Variants in CAD observed in about 807,000 individuals in gnomAD.
The protein encoded by CAD is carbamoyl-phosphate synthetase 2, aspartate transcarbamylase, and dihydroorotase.
Under a neutral mutation model 237.2 loss-of-function variants are expected in CAD, and 81 were observed. The observed-to-expected ratio is 0.34, with a 90% confidence interval of 0.29 to 0.41. The LOEUF (loss-of-function observed/expected upper bound fraction) is 0.41. Among genes scored for constraint, CAD ranks in the 10% least tolerant of loss-of-function variants. The pLI is 1.00. For synonymous variants in CAD, 1,196 were observed against 1,162.8 expected (o/e 1.03, Z -0.58); for missense variants, 2,181 against 2,951.7 (o/e 0.74, Z 6.05).
At position 27,239,518 on chromosome 2, in the gene CAD, C is replaced by T. The variant is rs369997195; in HGVS notation, c.5394+47C>T. On this transcript the variant is annotated intron_variant, in intron 33 of 43. Coordinates refer to ENST00000264705, the MANE Select transcript of CAD (RefSeq NM_004341.5). This position sits in a 1 kb window ranked among gnomAD's most constrained non-coding sequence, Gnocchi z 4.0. ...GATCTCAGTAGTGCCCTCTTCTGCA[C>T]CACGTTCATTTCTTCCCTTCCCAGC... 3.4e-5 allele frequency: 55 copies of T among 1,596,804 alleles called. No individual in the cohort carries two copies. Among genetic ancestry groups the T allele is most frequent in the Non-Finnish European group, 4.3e-5 (50 of 1,167,230 alleles).
rs973416308 is a variant in CAD, at chr2:27,241,595, T to G, written c.5883+199T>G. The stretch of plus-strand genomic sequence containing the variant: ...AGGATTTAGCTGGCTGGGGAGGCCC[T>G]GAGCATGAGACCATCGCCCCACTAG... On this transcript the variant is annotated intron_variant, in intron 38 of 43. Coordinates refer to ENST00000264705, the MANE Select transcript of CAD (RefSeq NM_004341.5). The surrounding 1 kb of genome is among the most constrained non-coding windows in gnomAD (Gnocchi z 4.6). 3.3e-5 allele frequency among the ~76,000 whole-genome samples: 5 copies of G among 152,220 alleles called. No individual in the cohort carries two copies. Among genetic ancestry groups the G allele is most frequent in the African/African-American group, 1.2e-4 (5 of 41,460 alleles).
intron 16 of CAD, 79 bp from the exon 17 acceptor site, chr2:27,231,901 G>GAGACA: frequency 6.4e-7 from 1 of 1,559,804 alleles, no homozygotes; most frequent in Non-Finnish European, 8.8e-7. Flanking sequence ...TCCCCTTCCT[G>GAGACA]AGACAAGAGC....
At chr2:27,219,837 C>T (rs1281945131) in intron 2 of CAD, among the ~76,000 whole-genome samples, 2 of 152,190 alleles carry the variant, frequency 1.3e-5, no homozygotes, top group Non-Finnish European at 2.9e-5. Context: ...GATCTGCCCA[C>T]CTCGGCCTCC....
At position 27,232,573 on chromosome 2, in the gene CAD, C is replaced by T; in HGVS notation, c.2771C>T (p.Thr924Ile). ...TACCTATACCTAACGTATTGGGGCACCACCCATGACCTCACCTTTCGAACA... is the reference window on the plus strand; with the variant it reads ...TACCTATACCTAACGTATTGGGGCATCACCCATGACCTCACCTTTCGAACA... ...TNYLYLTYWG[T>I]THDLTFRTPH... is the part of the protein sequence containing the mutation. Residue 924 changes from threonine (T) to isoleucine (I), a missense_variant, in exon 18 of 44, where the codon ACC (threonine) becomes ATC (isoleucine). Around this residue, in one of 12 missense-constraint regions of CAD, gnomAD observed 385 missense variants for 535.1 expected, o/e 0.72. Coordinates refer to ENST00000264705, the MANE Select transcript of CAD (RefSeq NM_004341.5). This position sits in a 1 kb window ranked among gnomAD's most constrained non-coding sequence, Gnocchi z 4.1. 1 of 1,614,192 alleles carries T rather than the reference C, an allele frequency of 6.2e-7. No homozygotes were observed. Among genetic ancestry groups the T allele is most frequent in the South Asian group, 1.1e-5 (1 of 91,076 alleles).
chr2:27,227,801 C>T (rs1389149166), intron 15 of CAD, among the ~76,000 whole-genome samples: 1 of 152,084 alleles, frequency 6.6e-6, no homozygotes, highest in East Asian at 1.9e-4. Flanking sequence ...TTTTATTATA[C>T]AAGTAAGAAA....
In CAD at chr2:27,221,253, G is replaced by A; in HGVS notation, c.258G>A (p.Leu86=). ...FESSGIHVAA[L]VVGECCPTPS... is the part of the protein sequence containing the mutation. ...CCTCGGGCATCCACGTAGCAGCACT[G>A]GTAGTGGGAGAGTGCTGTCCTACTC... Residue 86 remains leucine (L), a synonymous_variant, in exon 3 of 44, where the codon CTG becomes CTA. Coordinates refer to ENST00000264705, the MANE Select transcript of CAD (RefSeq NM_004341.5). The A allele has an allele frequency of 6.3e-7, 1 of 1,583,632 alleles. No individual in the cohort carries two copies. Among genetic ancestry groups the A allele is most frequent in the Non-Finnish European group, 8.6e-7 (1 of 1,163,658 alleles).
At chr2:27,231,431 C>T (rs762513842) in intron 15 of CAD, 37 bp from the exon 16 acceptor site, 9 of 1,237,182 alleles carry the variant, frequency 7.3e-6, no homozygotes, top group Non-Finnish European at 1.1e-5. Context: ...ACCCCTTCCA[C>T]CTCCACACCT....
At chr2:27,219,759 T>G (rs1675063165) in intron 2 of CAD, among the ~76,000 whole-genome samples, 1 of 151,940 alleles carries the variant, frequency 6.6e-6, no homozygotes, top group Non-Finnish European at 1.5e-5. Flanking sequence ...CCAGCTAATT[T>G]TGTATTTTTA....
intron 15 of CAD, among the ~76,000 whole-genome samples, chr2:27,229,009 C>T (rs2148071246): frequency 6.6e-6 from 1 of 150,630 alleles, no homozygotes; most frequent in African/African-American, 2.4e-5. Context: ...ACCTCTGCCT[C>T]CCAGGTTCAA....
chr2:27,233,819 G>C lies in CAD; in HGVS notation c.3399+11G>C. The C allele has an allele frequency of 6.2e-7, 1 of 1,612,654 alleles. No homozygotes were observed. Among genetic ancestry groups the C allele is most frequent in the African/African-American group, 1.3e-5 (1 of 75,028 alleles). ...ATCCAGGAGGCTAAGGTGGGAGGCT[G>C]CAGACAGTGAAGTCTCTGAGGGCAT... On this transcript the variant is annotated intron_variant, in intron 21 of 43. Transcript: ENST00000264705. This position sits in a 1 kb window ranked among gnomAD's most constrained non-coding sequence, Gnocchi z 6.3.
chr2:27,233,104 G>T lies in CAD; in HGVS notation c.2955G>T (p.Met985Ile). 1.2e-6 allele frequency: 2 copies of T among 1,613,718 alleles called. No homozygotes were observed. The highest frequency in any genetic ancestry group is 1.7e-6 in the Non-Finnish European group (2 of 1,179,574). ...NPETVSTDYD[M>I]CDRLYFDEIS... ...AGACAGTCAGCACCGACTATGACAT[G>T]TGTGATCGACTCTACTTTGATGAGA... The change falls in exon 19 of 44, where the codon ATG becomes ATT. Residue 985 changes from methionine to isoleucine, a missense_variant. By Grantham distance (10) the Met-to-Ile change is conservative (BLOSUM62 1). Coordinates refer to ENST00000264705, the MANE Select transcript of CAD (RefSeq NM_004341.5). The surrounding 1 kb of genome is among the most constrained non-coding windows in gnomAD (Gnocchi z 6.3).
chr2:27,230,996 T>C (rs1238527314), intron 15 of CAD, among the ~76,000 whole-genome samples: 1 of 152,092 alleles, frequency 6.6e-6, no homozygotes, highest in Non-Finnish European at 1.5e-5. Flanking sequence ...AGATTTCTTT[T>C]TGTTTGTTTG....
In CAD at chr2:27,239,722, A is replaced by G; in HGVS notation, c.5420A>G (p.Gln1807Arg). 1 of 1,594,702 alleles carries G rather than the reference A, an allele frequency of 6.3e-7. No individual in the cohort carries two copies. The highest frequency in any genetic ancestry group is 1.3e-5 in the African/African-American group (1 of 74,296). Residue 1807 changes from glutamine (Q) to arginine (R), a missense_variant, in exon 34 of 44, where the codon CAG becomes CGG. Physicochemically the swap from Gln to Arg is conservative, Grantham distance 43. This residue lies in a region of CAD where 478 missense variants were observed against 515.0 expected (regional missense o/e 0.93). Coordinates refer to ENST00000264705, the MANE Select transcript of CAD (RefSeq NM_004341.5). The surrounding 1 kb of genome is among the most constrained non-coding windows in gnomAD (Gnocchi z 4.0). ...GQVLVPPGYGQDVRKWPQGAV... is the reference protein window; with the variant it reads ...GQVLVPPGYGRDVRKWPQGAV... ...GTTCTGGTACCCCCGGGCTATGGAC[A>G]GGATGTACGGAAGTGGCCACAGGGG... is the stretch of plus-strand genomic sequence containing the variant.
At position 27,232,992 on chromosome 2, in the gene CAD, C is replaced by T. The variant is rs761656402; in HGVS notation, c.2893-50C>T. The T allele has an allele frequency of 1.1e-5, 14 of 1,246,078 alleles. No homozygotes were observed. Among genetic ancestry groups the T allele is most frequent in the Middle Eastern group, 1.9e-4 (1 of 5,342 alleles). 77.2% of individuals were successfully genotyped at this position (1,246,078 alleles called of 1,614,324 possible). A position where few individuals can be genotyped will look rare whatever the true frequency, so the allele number is the denominator to read the frequency against. On this transcript the variant is annotated intron_variant, in intron 18 of 43. Coordinates refer to ENST00000264705, the MANE Select transcript of CAD (RefSeq NM_004341.5). The surrounding 1 kb of genome is among the most constrained non-coding windows in gnomAD (Gnocchi z 4.1). ...CTTAGTTTCTCCACGATTTTCTCCA[C>T]GATTTTCCTCCCACCTGACTGCTAA...
Position 27,231,548 on chromosome 2 carries a change from T to C in CAD, c.2368T>C (p.Phe790Leu). 6.2e-7 allele frequency: 1 copy of C among 1,612,864 alleles called. No homozygotes were observed. Among genetic ancestry groups the C allele is most frequent in the Non-Finnish European group, 8.5e-7 (1 of 1,178,842 alleles). ...LRMVDENCVG[F>L]DHTVKPVSDM... ...CATGGTGGATGAGAACTGTGTGGGC[T>C]TTGATCACACAGTGAAACCAGTCAG... Residue 790 changes from phenylalanine to leucine, a missense_variant, in exon 16 of 44, where the codon TTT becomes CTT. Phe to Leu is a conservative substitution (Grantham distance 22). This residue lies in a region of CAD where 385 missense variants were observed against 535.1 expected (regional missense o/e 0.72). Coordinates refer to ENST00000264705, the MANE Select transcript of CAD (RefSeq NM_004341.5).
rs1358358917 is a variant in CAD at position 27,240,514 on chromosome 2, G to A, written c.5593+153G>A. The A allele has an allele frequency of 1.2e-5, 19 of 1,527,150 alleles. No individual in the cohort carries two copies. Among genetic ancestry groups the A allele is most frequent in the Admixed American group, 5.9e-5 (3 of 51,138 alleles). 94.6% of individuals were successfully genotyped at this position (1,527,150 alleles called of 1,614,324 possible). A position where few individuals can be genotyped will look rare whatever the true frequency, so the allele number is the denominator to read the frequency against. Reference sequence around the variant, plus strand: ...ATCCTTTGCCTAAACAAGTCTCCCCGGTGTGAGTAGACATCTCACAGCTTC... The same window carrying A: ...ATCCTTTGCCTAAACAAGTCTCCCCAGTGTGAGTAGACATCTCACAGCTTC... On this transcript the variant is annotated intron_variant, in intron 35 of 43. Coordinates refer to ENST00000264705, the MANE Select transcript of CAD (RefSeq NM_004341.5). The surrounding 1 kb of genome is among the most constrained non-coding windows in gnomAD (Gnocchi z 4.6).
intron 15 of CAD, 152 bp from the exon 16 acceptor site, chr2:27,231,316 C>T (rs1675742937): frequency 4.9e-6 from 3 of 609,616 alleles, no homozygotes; most frequent in South Asian, 3.9e-5. Context: ...ATTAAGATTT[C>T]TTAGTTGTGA....
Position 27,241,413 on chromosome 2 carries a change from G to A in CAD, c.5883+17G>A, listed in dbSNP as rs1253864580. 6.2e-7 allele frequency: 1 copy of A among 1,613,754 alleles called. No individual in the cohort carries two copies. Among genetic ancestry groups the A allele is most frequent in the African/African-American group, 1.3e-5 (1 of 75,048 alleles). On this transcript the variant is annotated intron_variant, in intron 38 of 43. Transcript: ENST00000264705. The surrounding 1 kb of genome is among the most constrained non-coding windows in gnomAD (Gnocchi z 4.6). ...ATCCTGAAGGTCAGGATCAGGGCCG[G>A]GGGTAGGGTCCAGGCCATCGCCTGC...
rs200020826 is a variant in CAD at position 27,237,909 on chromosome 2, C to T, written c.4728+27C>T. The T allele has an allele frequency of 2.3e-5, 36 of 1,585,812 alleles. No individual in the cohort carries two copies. Among genetic ancestry groups the T allele is most frequent in the African/African-American group, 2.7e-5 (2 of 74,342 alleles). On this transcript the variant is annotated intron_variant, in intron 29 of 43. Transcript: ENST00000264705. This position sits in a 1 kb window ranked among gnomAD's most constrained non-coding sequence, Gnocchi z 4.0. ...TAGGGAGTGTGCATGTGGCAGGAGGCCACCACCCAGTGTCTCCTGGCTTGT... is the reference window on the plus strand; with the variant it reads ...TAGGGAGTGTGCATGTGGCAGGAGGTCACCACCCAGTGTCTCCTGGCTTGT...
Sources: gnomAD v4.1 joint callset for allele counts (sites outside exome capture counted in the v4.1 genomes callset) on GRCh38, gnomAD v4.1.1 for gene constraint, gnomAD v4.1.1 regional missense constraint, Gnocchi (gnomAD v3.1) non-coding constraint, MANE v1.5 for transcripts, NCBI Gene and HGNC (gene_info 2026-07-23, HGNC 2026-07-21) for gene names.